PRKX: variants seen among roughly 807,000 people sequenced by gnomAD.
The protein encoded by PRKX is cAMP-dependent protein kinase catalytic subunit PRKX.
A neutral mutation model predicts 22.0 loss-of-function variants in PRKX; 12 were observed. The ratio of observed to expected loss-of-function variants is 0.54; its 90% confidence interval spans 0.35 to 0.88. The LOEUF is 0.88. Ranked by LOEUF, PRKX falls within the 40% of genes least tolerant of loss-of-function variation. The probability of loss-of-function intolerance (pLI) is 0.01; values close to 1 mark genes in which losing one functional copy is unlikely to be tolerated. For synonymous variants in PRKX, 134 were observed against 137.7 expected (o/e 0.97, Z 0.19); for missense variants, 217 against 308.0 (o/e 0.70, Z 2.21).
chrX:3,618,067 AAGAG>A lies in PRKX; in HGVS notation c.874-2179_874-2176del, dbSNP rs149670216. Among the ~76,000 whole-genome samples the A allele has an allele frequency of 6.3e-3, 544 of 86,594 alleles. 3 individuals are homozygous for A. Among genetic ancestry groups the A allele is most frequent in the Non-Finnish European group, 8.8e-3 (391 of 44,366 alleles). 75.2% of individuals were successfully genotyped at this position (86,594 alleles called of 115,157 possible). A position where few individuals can be genotyped will look rare whatever the true frequency, so the allele number is the denominator to read the frequency against. On this transcript the variant is annotated intron_variant, in intron 6 of 8. Transcript: ENST00000262848. ...CTGTGTCTCAAAAAAAAAAAAAAAAAAGAGAGAGAGAGAGAGAGAAATAAGCCAG... is the reference window on the plus strand; with the variant it reads ...CTGTGTCTCAAAAAAAAAAAAAAAAAAGAGAGAGAGAGAGAAATAAGCCAG...
intron 1 of PRKX, among the ~76,000 whole-genome samples, chrX:3,690,157 T>C (rs753455209): frequency 8.9e-6 from 1 of 111,857 alleles, no homozygotes; most frequent in Non-Finnish European, 1.9e-5. Flanking sequence ...TTTATTTATA[T>C]TGCTGCTATA....
intron 3 of PRKX, among the ~76,000 whole-genome samples, chrX:3,651,648 G>C (rs1322881867): frequency 2.7e-5 from 3 of 111,675 alleles, no homozygotes; most frequent in Admixed American, 9.6e-5. Context: ...CCAGAGAAGA[G>C]AGTCATTTAG....
chrX:3,611,052 G>A (rs1301626296), intron 8 of PRKX: 3 of 112,006 alleles, frequency 2.7e-5, no homozygotes, highest in Non-Finnish European at 3.8e-5. Context: ...CTGTGAAAGC[G>A]TTCATCACAC....
intron 1 of PRKX, among the ~76,000 whole-genome samples, chrX:3,697,990 ACT>A (rs951413146): frequency 1.8e-5 from 2 of 111,466 alleles, no homozygotes; most frequent in African/African-American, 3.3e-5. Context: ...ACCCAGGGGC[ACT>A]CTCTGTTCTG....
Position 3,626,482 on chromosome X carries a change from C to A in PRKX, c.752G>T (p.Gly251Val), listed in dbSNP as rs1355698667. 8.3e-7 allele frequency: 1 copy of A among 1,208,897 alleles called. No homozygotes were observed. Reference sequence around the variant, plus strand: ...GCCTGCAAGAATTTTCTGATAAATGCCAAACGGGTTGTCATCAAAAAACGG... The same window carrying A: ...GCCTGCAAGAATTTTCTGATAAATGACAAACGGGTTGTCATCAAAAAACGG... ...FPPFFDDNPF[G>V]IYQKILAGKI... is the part of the protein sequence containing the mutation. The change falls in exon 5 of 9, where the codon GGC becomes GTC. Residue 251 changes from glycine (G) to valine (V), a missense_variant. By Grantham distance (109) the Gly-to-Val change is moderately radical. Transcript: ENST00000262848.
rs765909240 is a variant in PRKX, at chrX:3,669,566, C to T, written c.335+5032G>A. 3.6e-5 allele frequency among the ~76,000 whole-genome samples: 4 copies of T among 111,230 alleles called. 1 individual carries two copies. The highest frequency in any genetic ancestry group is 7.6e-4 in the South Asian group (2 of 2,623). On this transcript the variant is annotated intron_variant, in intron 2 of 8. Coordinates refer to ENST00000262848, the MANE Select transcript of PRKX (RefSeq NM_005044.5). ...CCCACCACAGAGTCCTCCATGATCC[C>T]GCCCCATGTGTCAGCACTGCTGAGG...
chrX:3,660,267 G>A (rs757554712), intron 2 of PRKX, among the ~76,000 whole-genome samples: 1 of 111,438 alleles, frequency 9.0e-6, no homozygotes, highest in African/African-American at 3.3e-5. Flanking sequence ...ATTTCTTCAG[G>A]GCGCAAGGTG....
intron 1 of PRKX, among the ~76,000 whole-genome samples, chrX:3,702,951 C>T (rs1603474883): frequency 9.0e-6 from 1 of 110,759 alleles, no homozygotes; most frequent in East Asian, 2.8e-4. Flanking sequence ...TCACCCTGGC[C>T]TTCCAAAGTG....
At chrX:3,656,158 G>A (rs1173943315) in intron 2 of PRKX, among the ~76,000 whole-genome samples, 1 of 111,616 alleles carries the variant, frequency 9.0e-6, no homozygotes, top group Non-Finnish European at 1.9e-5. Context: ...TTACAATATA[G>A]GTGAAGACAG....
In PRKX at chrX:3,626,700, C is replaced by T. The variant is rs771014648; in HGVS notation, c.720-186G>A. 9.8e-5 allele frequency among the ~76,000 whole-genome samples: 11 copies of T among 112,408 alleles called. No individual in the cohort carries two copies. In the East Asian group the frequency reaches 1.4e-3, roughly 14 times the overall value. On this transcript the variant is annotated intron_variant, in intron 4 of 8. Coordinates refer to ENST00000262848, the MANE Select transcript of PRKX (RefSeq NM_005044.5). ...AGTCAGATGGTTCTAAGAGGCAAGG[C>T]ATCGTGTGCCACAGTCCGATGCAGG...
At chrX:3,672,847 A>C (rs139628549) in intron 2 of PRKX, among the ~76,000 whole-genome samples, 1 of 111,187 alleles carries the variant, frequency 9.0e-6, no homozygotes, top group Non-Finnish European at 1.9e-5. Context: ...GCAAGACTTC[A>C]TCCTACAAAA....
Position 3,700,749 on chromosome X carries a change from TTTG to T in PRKX, c.166+12336_166+12338del, listed in dbSNP as rs3073363. 1.6e-3 allele frequency among the ~76,000 whole-genome samples: 173 copies of T among 105,500 alleles called. 1 individual carries two copies. Among genetic ancestry groups the T allele is most frequent in the Non-Finnish European group, 7.7e-4 (40 of 51,616 alleles). The allele number at this position is 105,500 out of a possible 115,157, so 91.6% of individuals were successfully genotyped here. On this transcript the variant is annotated intron_variant, in intron 1 of 8. Transcript: ENST00000262848. ...ACGTGCCACCACGCCCAGCTAATTG[TTTG>T]TTGTTGTTGTTGTTGTTGTTTGTAG... is the stretch of plus-strand genomic sequence containing the variant.
intron 1 of PRKX, among the ~76,000 whole-genome samples, chrX:3,701,732 G>C (rs186883247): frequency 1.8e-5 from 2 of 111,344 alleles, no homozygotes; most frequent in African/African-American, 3.3e-5. Flanking sequence ...TAAGGAGCTT[G>C]CTGATAAAAC....
intron 4 of PRKX, among the ~76,000 whole-genome samples, chrX:3,633,155 A>G (rs1926818990): frequency 9.1e-6 from 1 of 109,726 alleles, no homozygotes; most frequent in Non-Finnish European, 1.9e-5. Flanking sequence ...CAGGAGGCTG[A>G]GGCAGGAGGA....
intron 3 of PRKX, among the ~76,000 whole-genome samples, chrX:3,650,195 C>T (rs781516569): frequency 1.6e-4 from 18 of 110,907 alleles, no homozygotes; most frequent in African/African-American, 5.6e-4. Flanking sequence ...GATTACATTA[C>T]AACATGCTTA....
intron 4 of PRKX, among the ~76,000 whole-genome samples, chrX:3,631,388 G>A (rs1398135435): frequency 8.9e-6 from 1 of 112,702 alleles, no homozygotes; most frequent in Non-Finnish European, 1.9e-5. Flanking sequence ...CAGAGGAGAA[G>A]GCCACATGGG....
In PRKX at chrX:3,618,063, A is replaced by C. The variant is rs1316513493; in HGVS notation, c.874-2171T>G. 4.7e-5 allele frequency among the ~76,000 whole-genome samples: 4 copies of C among 84,325 alleles called. No individual in the cohort carries two copies. The East Asian group carries it at 2.0e-3, about 43-fold the overall frequency. The allele number at this position is 84,325 out of a possible 115,157, so 73.2% of individuals were successfully genotyped here. A position where few individuals can be genotyped will look rare whatever the true frequency, so the allele number is the denominator to read the frequency against. On this transcript the variant is annotated intron_variant, in intron 6 of 8. Transcript: ENST00000262848. ...CTTGCTGTGTCTCAAAAAAAAAAAA[A>C]AAAAAGAGAGAGAGAGAGAGAGAAA...
chrX:3,621,698 C>G (rs186334654), intron 5 of PRKX, among the ~76,000 whole-genome samples: 188 of 112,230 alleles, frequency 1.7e-3, no homozygotes, highest in African/African-American at 5.6e-3. Flanking sequence ...TCAACACTCA[C>G]GCGCTGTCCT....
chrX:3,689,194 C>T (rs1301315567), intron 1 of PRKX, among the ~76,000 whole-genome samples: 4 of 112,545 alleles, frequency 3.6e-5, no homozygotes, highest in African/African-American at 9.7e-5. Flanking sequence ...TCCTCAAACT[C>T]AGTTCTTTTC....
Sources: gnomAD v4.1 joint callset for allele counts (sites outside exome capture counted in the v4.1 genomes callset) on GRCh38, gnomAD v4.1.1 for gene constraint, MANE v1.5 for transcripts, NCBI Gene and HGNC (gene_info 2026-07-23, HGNC 2026-07-21) for gene names.